NPTXR: variants seen among roughly 807,000 people sequenced by gnomAD.
NPTXR encodes neuronal pentraxin receptor.
Under a neutral mutation model 32.2 loss-of-function variants are expected in NPTXR, and 12 were observed. The observed-to-expected ratio is 0.37, with a 90% CI of 0.24 to 0.60. The LOEUF is 0.60. NPTXR is among the 20% of genes least tolerant of loss of function. The pLI, the probability that NPTXR is intolerant of heterozygous loss-of-function variation, is 0.66. For missense variants in NPTXR, 612 were observed against 682.9 expected (o/e 0.90, Z 1.16); for synonymous variants, 323 against 315.8 (o/e 1.02, Z -0.24).
intron 1 of NPTXR, among the ~76,000 whole-genome samples, chr22:38,838,880 T>A (rs545230935): frequency 5.3e-5 from 8 of 152,130 alleles, no homozygotes; most frequent in African/African-American, 1.9e-4. Context: ...CGCGCCCAGC[T>A]CACCTGTCTT....
intron 1 of NPTXR, among the ~76,000 whole-genome samples, chr22:38,835,582 C>T (rs551494036): frequency 1.1e-4 from 17 of 152,290 alleles, no homozygotes; most frequent in African/African-American, 4.1e-4. Context: ...GCCCCAGGCC[C>T]CTTGCTCCTC....
intron 1 of NPTXR, among the ~76,000 whole-genome samples, chr22:38,839,414 G>A (rs915926475): frequency 1.3e-5 from 2 of 152,228 alleles, no homozygotes; most frequent in African/African-American, 4.8e-5. Context: ...GGAGGCTGAG[G>A]TGGGCGGATC....
intron 1 of NPTXR, among the ~76,000 whole-genome samples, chr22:38,841,669 T>C (rs1024262467): frequency 6.6e-6 from 1 of 152,250 alleles, no homozygotes; most frequent in Non-Finnish European, 1.5e-5. Context: ...ATGATAAAAA[T>C]AGCCATCACT....
chr22:38,824,349 G>A (rs935872377), intron 3 of NPTXR, among the ~76,000 whole-genome samples: 3 of 152,020 alleles, frequency 2.0e-5, no homozygotes, highest in African/African-American at 7.2e-5. Flanking sequence ...TGGCCTTGTT[G>A]TGGATCCTGG....
chr22:38,836,233 T>C (rs893911208), intron 1 of NPTXR, among the ~76,000 whole-genome samples: 2 of 152,186 alleles, frequency 1.3e-5, no homozygotes, highest in Non-Finnish European at 2.9e-5. Context: ...ACGCTAAATA[T>C]ATGCCCCTCT....
At chr22:38,830,579 C>T (rs867921897) in intron 1 of NPTXR, among the ~76,000 whole-genome samples, 3 of 152,174 alleles carry the variant, frequency 2.0e-5, no homozygotes, top group African/African-American at 2.4e-5. Flanking sequence ...CTGCATCACT[C>T]GCCACGCAGC....
rs756188514 is a variant in NPTXR at position 38,826,491 on chromosome 22, C to A, written c.1098+9G>T. The A allele has an allele frequency of 2.5e-6, 4 of 1,595,488 alleles. No homozygotes were observed. The highest frequency in any genetic ancestry group is 3.4e-6 in the Non-Finnish European group (4 of 1,167,576). ...CCCCCAGCCAGCCCTCCCTGCCAGC[C>A]CTGCCTACCTTGTCGTTGATCAGCA... On this transcript the variant is annotated intron_variant, in intron 3 of 4. Coordinates refer to ENST00000333039, the MANE Select transcript of NPTXR (RefSeq NM_014293.4).
intron 1 of NPTXR, among the ~76,000 whole-genome samples, chr22:38,841,776 A>G (rs548413468): frequency 9.2e-5 from 14 of 152,338 alleles, no homozygotes; most frequent in Non-Finnish European, 1.8e-4. Context: ...AGGTGCTATT[A>G]CTATCCCCAT....
rs2235135 is a variant in NPTXR at position 38,820,662 on chromosome 22, C to G, written c.*1947G>C. 1 of 151,938 alleles carries G rather than the reference C, an allele frequency of 6.6e-6. No homozygotes were observed. The highest frequency in any genetic ancestry group is 1.5e-5 in the Non-Finnish European group (1 of 67,998). 9.4% of individuals were successfully genotyped at this position (151,938 alleles called of 1,614,324 possible). A position where few individuals can be genotyped will look rare whatever the true frequency, so the allele number is the denominator to read the frequency against. On this transcript the variant is annotated 3_prime_UTR_variant, in exon 5 of 5. Coordinates refer to ENST00000333039, the MANE Select transcript of NPTXR (RefSeq NM_014293.4). Reference sequence around the variant, plus strand: ...GGTGTCATGTTGGAAAGCATCTGACCTCGCGGATGTCTACCTGCTTAGGTG... The same window carrying G: ...GGTGTCATGTTGGAAAGCATCTGACGTCGCGGATGTCTACCTGCTTAGGTG...
intron 2 of NPTXR, among the ~76,000 whole-genome samples, chr22:38,827,165 C>A (rs2093108443): frequency 6.6e-6 from 1 of 152,144 alleles, no homozygotes; most frequent in African/African-American, 2.4e-5. Context: ...GAAATTTGCT[C>A]CTCACCACTG....
At chr22:38,840,998 G>A (rs1201086048) in intron 1 of NPTXR, among the ~76,000 whole-genome samples, 1 of 152,198 alleles carries the variant, frequency 6.6e-6, no homozygotes, top group Non-Finnish European at 1.5e-5. Flanking sequence ...TCATCTTGGG[G>A]ACATTAGCAA....
In NPTXR at chr22:38,828,527, G is replaced by C. The variant is rs1372710075; in HGVS notation, c.625-15C>G. The stretch of plus-strand genomic sequence containing the variant: ...GGAAGCTCCTGCTGTTCACAGGGCA[G>C]AGAAACAGAAATCAACTGAGGGGAG... On this transcript the variant is annotated splice_polypyrimidine_tract_variant and intron_variant, in intron 1 of 4. Transcript: ENST00000333039. 1 of 1,562,372 alleles carries C rather than the reference G, an allele frequency of 6.4e-7. No homozygotes were observed. Among genetic ancestry groups the C allele is most frequent in the Non-Finnish European group, 8.7e-7 (1 of 1,151,848 alleles).
chr22:38,833,032 G>A (rs1283918739), intron 1 of NPTXR, among the ~76,000 whole-genome samples: 1 of 152,072 alleles, frequency 6.6e-6, no homozygotes, highest in Non-Finnish European at 1.5e-5. Context: ...TTCCCTTGCT[G>A]CAGGGAGCAG....
At position 38,822,281 on chromosome 22, in the gene NPTXR, C is replaced by T. The variant is rs2093098865; in HGVS notation, c.*328G>A. 2.8e-6 allele frequency: 1 copy of T among 363,424 alleles called. No homozygotes were observed. The highest frequency in any genetic ancestry group is 2.1e-5 in the African/African-American group (1 of 48,272). The allele number at this position is 363,424 out of a possible 1,614,324, so 22.5% of individuals were successfully genotyped here. A position where few individuals can be genotyped will look rare whatever the true frequency, so the allele number is the denominator to read the frequency against. ...GGGGTCCCCCTCATACACAATCCTACCCTACTGGGGGTGCTGTCAAAATTA... is the reference window on the plus strand; with the variant it reads ...GGGGTCCCCCTCATACACAATCCTATCCTACTGGGGGTGCTGTCAAAATTA... On this transcript the variant is annotated 3_prime_UTR_variant, in exon 5 of 5. Transcript: ENST00000333039.
intron 1 of NPTXR, among the ~76,000 whole-genome samples, chr22:38,836,508 T>C (rs1017092272): frequency 2.0e-5 from 3 of 152,152 alleles, no homozygotes; most frequent in East Asian, 1.9e-4. Flanking sequence ...GACGCAAGGG[T>C]GCACAGCTGT....
chr22:38,831,373 C>A (rs1373910072), intron 1 of NPTXR, among the ~76,000 whole-genome samples: 1 of 152,148 alleles, frequency 6.6e-6, no homozygotes, highest in Non-Finnish European at 1.5e-5. Context: ...TACCACTGCA[C>A]TCCAGCCTGA....
intron 1 of NPTXR, among the ~76,000 whole-genome samples, chr22:38,828,861 A>T (rs1476486018): frequency 2.0e-5 from 3 of 152,234 alleles, no homozygotes; most frequent in Non-Finnish European, 4.4e-5. Context: ...CTAGTCCTTC[A>T]TAGCAGCAAG....
rs1372710075 is a variant in NPTXR at position 38,828,527 on chromosome 22, G to A, written c.625-15C>T. On this transcript the variant is annotated splice_polypyrimidine_tract_variant and intron_variant, in intron 1 of 4. Transcript: ENST00000333039. ...GGAAGCTCCTGCTGTTCACAGGGCA[G>A]AGAAACAGAAATCAACTGAGGGGAG... The A allele has an allele frequency of 1.3e-6, 2 of 1,562,372 alleles. No individual in the cohort carries two copies. Among genetic ancestry groups the A allele is most frequent in the South Asian group, 2.3e-5 (2 of 86,792 alleles).
At chr22:38,835,298 G>A (rs1201034285) in intron 1 of NPTXR, among the ~76,000 whole-genome samples, 2 of 152,190 alleles carry the variant, frequency 1.3e-5, no homozygotes, top group African/African-American at 2.4e-5. Context: ...TTTGGGGTCA[G>A]GAAGCCTTCT....
Sources: gnomAD v4.1 joint callset for allele counts (sites outside exome capture counted in the v4.1 genomes callset) on GRCh38, gnomAD v4.1.1 for gene constraint, MANE v1.5 for transcripts, NCBI Gene and HGNC (gene_info 2026-07-23, HGNC 2026-07-21) for gene names.